The following CLCN2 variants were observed in gnomAD, a reference collection of about 807,000 sequenced individuals.
CLCN2 encodes the protein chloride voltage-gated channel 2.
In CLCN2, 72 loss-of-function variants were observed where a neutral mutation model predicts 108.3. The observed-to-expected ratio is 0.66, with a 90% CI of 0.55 to 0.81. The LOEUF (loss-of-function observed/expected upper bound fraction) is 0.81, where lower values mean the gene tolerates loss of function less well. CLCN2 is among the 30% of genes least tolerant of loss of function. CLCN2 has a pLI of 0.00. For synonymous variants in CLCN2, 471 were observed against 467.1 expected (o/e 1.01, Z -0.11); for missense variants, 1,048 against 1,205.2 (o/e 0.87, Z 1.93).
intron 17 of CLCN2, 38 bp from the exon 18 acceptor site, chr3:184,353,185 C>T (rs1314022047): frequency 6.2e-7 from 1 of 1,613,142 alleles, no homozygotes; most frequent in African/African-American, 1.3e-5. Context: ...GCCACGGCCC[C>T]AGACCACCCT....
In CLCN2 at chr3:184,357,951, C is replaced by A; in HGVS notation, c.615+11G>T. On this transcript the variant is annotated intron_variant, in intron 5 of 23. Coordinates refer to ENST00000265593, the MANE Select transcript of CLCN2 (RefSeq NM_004366.6). ...CAGGAGGGACTCCTTCATTCCCCAG[C>A]CTGCAGTTACCTCTTTGCCAAGCGG... The A allele has an allele frequency of 6.2e-7, 1 of 1,613,966 alleles. No homozygotes were observed. Among genetic ancestry groups the A allele is most frequent in the South Asian group, 1.1e-5 (1 of 91,092 alleles).
Position 184,354,595 on chromosome 3 carries a change from G to A in CLCN2, c.1460C>T (p.Thr487Met), listed in dbSNP as rs757243632. Reference sequence around the variant, plus strand: ...CACAATCCGGTAGGTGCTGCTGTCCGTATGAATTCCATCTGGGAACCAGGC... The same window carrying A: ...CACAATCCGGTAGGTGCTGCTGTCCATATGAATTCCATCTGGGAACCAGGC... Reference protein sequence around the residue: ...MAAWFPDGIHTDSSTYRIVPG... With the variant: ...MAAWFPDGIHMDSSTYRIVPG... The change falls in exon 14 of 24, where the codon ACG becomes ATG. Residue 487 changes from threonine (T) to methionine (M), a missense_variant. Transcript: ENST00000265593. 17 of 1,612,704 alleles carry A rather than the reference G, an allele frequency of 1.1e-5. No individual in the cohort carries two copies. Among genetic ancestry groups the A allele is most frequent in the East Asian group, 4.5e-5 (2 of 44,794 alleles).
intron 10 of CLCN2, chr3:184,356,065 G>C: frequency 2.2e-6 from 1 of 446,326 alleles, no homozygotes; most frequent in Non-Finnish European, 4.2e-6. Context: ...GGGGCCCTCC[G>C]AGTTGTTATT....
chr3:184,358,862 T>A, intron 2 of CLCN2, 49 bp from the exon 3 acceptor site: 1 of 1,613,774 alleles, frequency 6.2e-7, no homozygotes, highest in African/African-American at 1.3e-5. Flanking sequence ...AAAGTGCTCC[T>A]ACCCCTTTTA....
chr3:184,346,680 G>C lies in CLCN2; in HGVS notation c.2623C>G (p.Leu875Val), dbSNP rs755134167. The C allele has an allele frequency of 2.0e-5, 32 of 1,614,100 alleles. No homozygotes were observed. Among genetic ancestry groups the C allele is most frequent in the Non-Finnish European group, 2.3e-5 (27 of 1,180,050 alleles). ...SDTETTEVHALWGPHSRHGLP... is the reference protein window; with the variant it reads ...SDTETTEVHAVWGPHSRHGLP... ...CCATGACGGGAGTGGGGCCCCCAGA[G>C]TGCATGCACCTCAGTGGTCTCCGTG... Residue 875 changes from leucine to valine, a missense_variant, in exon 24 of 24, where the codon CTC (leucine) becomes GTC (valine). Coordinates refer to ENST00000265593, the MANE Select transcript of CLCN2 (RefSeq NM_004366.6). The surrounding 1 kb of genome is among the most constrained non-coding windows in gnomAD (Gnocchi z 6.0).
Position 184,353,662 on chromosome 3 carries a change from C to A in CLCN2, c.1855G>T (p.Glu619Ter), listed in dbSNP as rs201976983. The A allele has an allele frequency of 3.1e-6, 5 of 1,612,376 alleles. No homozygotes were observed. The Admixed American group carries it at 8.3e-5, about 27-fold the overall frequency. ...GRMLALVESP[E>*]SMILLGSIER... ...CACCTGGGACCCCTCCTGGCCTCAC[C>A]AGGGGACTCCACTAGGGCCAGCATT... The change falls in exon 16 of 24, where the codon GAG becomes TAG. Residue 619 changes from glutamate to a stop codon, truncating the protein, a stop_gained and splice_region_variant. Transcript: ENST00000265593. LOFTEE classifies it high-confidence loss of function.
At position 184,359,080 on chromosome 3, in the gene CLCN2, C is replaced by A; in HGVS notation, c.115G>T (p.Ala39Ser). 1 of 1,613,756 alleles carries A rather than the reference C, an allele frequency of 6.2e-7. No homozygotes were observed. The highest frequency in any genetic ancestry group is 8.5e-7 in the Non-Finnish European group (1 of 1,180,046). Residue 39 changes from alanine (A) to serine (S), a missense_variant, in exon 2 of 24, where the codon GCT becomes TCT. By Grantham distance (99) the Ala-to-Ser change is moderately conservative. Transcript: ENST00000265593. ...TCAGGCCCTCCCAGGCGAATCCGAGCAGCTTCCTCTTTGGCAAAGGCCCCA... is the reference window on the plus strand; with the variant it reads ...TCAGGCCCTCCCAGGCGAATCCGAGAAGCTTCCTCTTTGGCAAAGGCCCCA... ...DLGAFAKEEA[A>S]RIRLGGPEPW...
At chr3:184,358,846 G>T (rs764368355) in intron 2 of CLCN2, 33 bp from the exon 3 acceptor site, 2 of 1,613,922 alleles carry the variant, frequency 1.2e-6, no homozygotes, top group Middle Eastern at 1.7e-4. Flanking sequence ...GGGGGAGGAT[G>T]GCACCAAAGT....
intron 22 of CLCN2, chr3:184,348,855 T>A (rs955183495): frequency 3.3e-5 from 5 of 152,188 alleles, no homozygotes; most frequent in African/African-American, 1.2e-4. Flanking sequence ...ATTCACTTCC[T>A]AAACATCCTG....
At position 184,347,202 on chromosome 3, in the gene CLCN2, T is replaced by A. The variant is rs1259044306; in HGVS notation, c.2416-181A>T. 9.2e-5 allele frequency: 62 copies of A among 672,068 alleles called. 2 individuals carry two copies. The highest frequency in any genetic ancestry group is 8.9e-4 in the South Asian group (56 of 62,672). 41.6% of individuals were successfully genotyped at this position (672,068 alleles called of 1,614,324 possible). ...ATCGTAATAATAATGAGAATGTTTC[T>A]GTGTCCAGGCCTCAGGAACTTGATA... On this transcript the variant is annotated intron_variant, in intron 22 of 23. Coordinates refer to ENST00000265593, the MANE Select transcript of CLCN2 (RefSeq NM_004366.6).
At chr3:184,360,231 A>C (rs1332851872) in intron 1 of CLCN2, among the ~76,000 whole-genome samples, 1 of 151,122 alleles carries the variant, frequency 6.6e-6, no homozygotes, top group Non-Finnish European at 1.5e-5. Context: ...AGAAAGACAA[A>C]GGGATAGGAT....
chr3:184,354,979 G>C lies in CLCN2; in HGVS notation c.1327-6C>G. The C allele has an allele frequency of 6.2e-7, 1 of 1,613,812 alleles. No homozygotes were observed. ...GCCAGTGCAGACATCCAGAACTGCAGGCAGGGGGTGGTTCAAAGGCGAAGA... is the reference window on the plus strand; with the variant it reads ...GCCAGTGCAGACATCCAGAACTGCACGCAGGGGGTGGTTCAAAGGCGAAGA... On this transcript the variant is annotated splice_region_variant and splice_polypyrimidine_tract_variant and intron_variant, in intron 12 of 23. Coordinates refer to ENST00000265593, the MANE Select transcript of CLCN2 (RefSeq NM_004366.6).
At position 184,353,370 on chromosome 3, in the gene CLCN2, C is replaced by G. The variant is rs756911647; in HGVS notation, c.1908G>C (p.Leu636Phe). 1 of 1,612,966 alleles carries G rather than the reference C, an allele frequency of 6.2e-7. No homozygotes were observed. Among genetic ancestry groups the G allele is most frequent in the Non-Finnish European group, 8.5e-7 (1 of 1,179,830 alleles). ...GGCGGGCTGGGCTCAGCTGGGCCCC[C>G]AACAATGCCACCACCTGTGAACGCT... is the stretch of plus-strand genomic sequence containing the variant. ...SIERSQVVAL[L>F]GAQLSPARRR... Residue 636 changes from leucine (L) to phenylalanine (F), a missense_variant, in exon 17 of 24, where the codon TTG becomes TTC. By Grantham distance (22) the Leu-to-Phe change is conservative. Coordinates refer to ENST00000265593, the MANE Select transcript of CLCN2 (RefSeq NM_004366.6).
rs1727665802 is a variant in CLCN2, at chr3:184,346,360, G to A, written c.*246C>T. On this transcript the variant is annotated 3_prime_UTR_variant, in exon 24 of 24. Transcript: ENST00000265593. This position sits in a 1 kb window ranked among gnomAD's most constrained non-coding sequence, Gnocchi z 6.0. ...CTCAAAGGGGGAGCAGGGGTCAAGT[G>A]ACCCCAACCCATCCTGCCAGGGCAG... 5.2e-6 allele frequency: 3 copies of A among 576,076 alleles called. No homozygotes were observed. The highest frequency in any genetic ancestry group is 3.0e-5 in the Admixed American group (1 of 33,880). 35.7% of individuals were successfully genotyped at this position (576,076 alleles called of 1,614,324 possible).
intron 14 of CLCN2, 47 bp downstream of exon 14, chr3:184,354,501 C>T (rs770200577): frequency 8.4e-5 from 94 of 1,116,400 alleles, no homozygotes; most frequent in Non-Finnish European, 8.0e-5. Flanking sequence ...GTGGCTGGGG[C>T]GTGGGTGGGG....
At position 184,355,737 on chromosome 3, in the gene CLCN2, G is replaced by A. The variant is rs773249631; in HGVS notation, c.1127C>T (p.Thr376Met). ...TCCAAAGCCAGGGGGGAAGGTCAGC[G>A]TGGAGATGAGCAGGGTCACCAGAGC... ...FPALVTLLIS[T>M]LTFPPGFGQF... is the part of the protein sequence containing the mutation. The change falls in exon 11 of 24, where the codon ACG becomes ATG. Residue 376 changes from threonine (T) to methionine (M), a missense_variant. By Grantham distance (81) the Thr-to-Met change is moderately conservative. Transcript: ENST00000265593. This position sits in a 1 kb window ranked among gnomAD's most constrained non-coding sequence, Gnocchi z 6.3. The A allele has an allele frequency of 6.8e-6, 11 of 1,614,198 alleles. No homozygotes were observed. Among genetic ancestry groups the A allele is most frequent in the East Asian group, 2.2e-5 (1 of 44,880 alleles).
Position 184,357,487 on chromosome 3 carries a change from C to G in CLCN2, c.773G>C (p.Gly258Ala), listed in dbSNP as rs1389820104. Residue 258 changes from glycine to alanine, a missense_variant and splice_region_variant, in exon 8 of 24, where the codon GGC becomes GCC. Coordinates refer to ENST00000265593, the MANE Select transcript of CLCN2 (RefSeq NM_004366.6). ...GGTGACCTCGATGCTGAAGAGGACG[C>G]CTGTGAGGGGGAGGGAGACCAGCAC... ...VGCCFAAPIG[G>A]VLFSIEVTST... 1 of 1,614,026 alleles carries G rather than the reference C, an allele frequency of 6.2e-7. No individual in the cohort carries two copies. The highest frequency in any genetic ancestry group is 1.3e-5 in the African/African-American group (1 of 74,940).
In CLCN2 at chr3:184,354,372, A is replaced by C. The variant is rs544135696; in HGVS notation, c.1508-58T>G. On this transcript the variant is annotated intron_variant, in intron 14 of 23. Coordinates refer to ENST00000265593, the MANE Select transcript of CLCN2 (RefSeq NM_004366.6). The stretch of plus-strand genomic sequence containing the variant: ...GCCCAGGTCCCAGAAGACCCTCCAC[A>C]ACCAGGGCAGGTCCTGAGTGGGTCC... 19 of 1,558,110 alleles carry C rather than the reference A, an allele frequency of 1.2e-5. No individual in the cohort carries two copies. The South Asian group carries it at 1.8e-4, about 15-fold the overall frequency.
chr3:184,350,569 G>A (rs1030054242), intron 22 of CLCN2, among the ~76,000 whole-genome samples: 1 of 152,142 alleles, frequency 6.6e-6, no homozygotes, highest in Non-Finnish European at 1.5e-5. Context: ...CCATGTAGCT[G>A]GGATTACAGG....
Sources: gnomAD v4.1 joint callset for allele counts (sites outside exome capture counted in the v4.1 genomes callset) on GRCh38, gnomAD v4.1.1 for gene constraint, Gnocchi (gnomAD v3.1) non-coding constraint, MANE v1.5 for transcripts, NCBI Gene and HGNC (gene_info 2026-07-23, HGNC 2026-07-21) for gene names.